The following TRIM14 variants were observed in gnomAD, a reference collection of about 807,000 sequenced individuals.
TRIM14 encodes tripartite motif-containing protein 14.
In TRIM14, 28 loss-of-function variants were observed where a neutral mutation model predicts 44.5. That is an observed-to-expected ratio of 0.63 (90% CI 0.47 to 0.86). The LOEUF is 0.86. Among genes scored for constraint, TRIM14 ranks in the 40% least tolerant of loss-of-function variants. The probability of loss-of-function intolerance (pLI) is 0.00; values close to 1 mark genes in which losing one functional copy is unlikely to be tolerated. For missense variants in TRIM14, 607 were observed against 611.1 expected (o/e 0.99, Z 0.07); for synonymous variants, 299 against 269.2 (o/e 1.11, Z -1.08).
chr9:98,056,615 GC>G, the TRIM14 span: 2 of 821,512 alleles, frequency 2.4e-6, no homozygotes, highest in Non-Finnish European at 3.5e-6. Context: ...GGGAGGCCCC[GC>G]CCCCGCCCCC....
intron 1 of TRIM14, among the ~76,000 whole-genome samples, chr9:98,112,493 C>G (rs764059078): frequency 1.3e-5 from 2 of 152,064 alleles, no homozygotes; most frequent in Non-Finnish European, 2.9e-5. Flanking sequence ...TGTATGTGAT[C>G]AAATTGGTTA....
At chr9:98,044,548 AT>A in the TRIM14 span, among the ~76,000 whole-genome samples, 6 of 151,086 alleles carry the variant, frequency 4.0e-5, no homozygotes, top group African/African-American at 9.7e-5. Flanking sequence ...TAATTTTTGT[AT>A]TTTTAGTAGA....
rs945043494 is a variant in TRIM14 at position 98,086,617 on chromosome 9, C to A, written c.*853G>T. On this transcript the variant is annotated 3_prime_UTR_variant, in exon 6 of 6. Coordinates refer to ENST00000341469, the MANE Select transcript of TRIM14 (RefSeq NM_014788.4). Reference sequence around the variant, plus strand: ...CTTGTTCCTTGGTTAGACTTCCTGGCGCAGGTAAGCCTGCGGAAGACTGAG... The same window carrying A: ...CTTGTTCCTTGGTTAGACTTCCTGGAGCAGGTAAGCCTGCGGAAGACTGAG... The A allele has an allele frequency of 6.6e-6, 1 of 152,096 alleles. No individual in the cohort carries two copies. The highest frequency in any genetic ancestry group is 1.5e-5 in the Non-Finnish European group (1 of 68,032). 9.4% of individuals were successfully genotyped at this position (152,096 alleles called of 1,614,324 possible).
the TRIM14 span, among the ~76,000 whole-genome samples, chr9:98,040,702 G>C: frequency 6.6e-6 from 1 of 150,826 alleles, no homozygotes; most frequent in East Asian, 1.9e-4. Flanking sequence ...GTGTCACCCA[G>C]GCTGGAGTGC....
the TRIM14 span, among the ~76,000 whole-genome samples, chr9:98,046,629 G>A: frequency 6.6e-6 from 1 of 151,976 alleles, no homozygotes; most frequent in Non-Finnish European, 1.5e-5. Context: ...TTATTAGAGA[G>A]GGGGTTTCAC....
chr9:98,091,273 A>G lies in TRIM14; in HGVS notation c.793+636T>C, dbSNP rs1373592590. ...TGACACATCCATTCAATGCAATGCC[A>G]TGCAACCTCTAAAAACAATGATAAA... On this transcript the variant is annotated intron_variant, in intron 5 of 5. Transcript: ENST00000341469. Among the ~76,000 whole-genome samples, 7 of 152,310 alleles carry G rather than the reference A, an allele frequency of 4.6e-5. No individual in the cohort carries two copies. The East Asian group carries it at 1.3e-3, about 29-fold the overall frequency.
chr9:98,116,382 G>A (rs1217736655), intron 1 of TRIM14, among the ~76,000 whole-genome samples: 1 of 151,670 alleles, frequency 6.6e-6, no homozygotes, highest in Non-Finnish European at 1.5e-5. Flanking sequence ...CAAGGTTCCC[G>A]ACCTTGTGGT....
intron 3 of TRIM14, among the ~76,000 whole-genome samples, chr9:98,098,421 A>G (rs1004677841): frequency 6.6e-6 from 1 of 152,184 alleles, no homozygotes; most frequent in African/African-American, 2.4e-5. Flanking sequence ...TAAAGACAGG[A>G]ACACCATCGG....
At chr9:98,081,134 T>TG, downstream of TRIM14, 1 of 1,604,118 alleles carries the variant, frequency 6.2e-7, no homozygotes, top group Non-Finnish European at 8.5e-7. Context: ...GGAAAAAGGA[T>TG]AGGCTGGCCT....
rs1825829759 is a variant in TRIM14 at position 98,087,614 on chromosome 9, C to T, written c.1185G>A (p.Leu395=). The T allele has an allele frequency of 2.5e-6, 4 of 1,601,442 alleles. No homozygotes were observed. Among genetic ancestry groups the T allele is most frequent in the Admixed American group, 1.7e-5 (1 of 59,402 alleles). Residue 395 remains leucine (L), a synonymous_variant, in exon 6 of 6, where the codon CTG becomes CTA. Transcript: ENST00000341469. Reference sequence around the variant, plus strand: ...AGGCGAGGACGCCGGCCTCGTAGTCCAGGAAGACGCCGAGCCGGTCGAGGT... The same window carrying T: ...AGGCGAGGACGCCGGCCTCGTAGTCTAGGAAGACGCCGAGCCGGTCGAGGT... ...RDDLDRLGVF[L]DYEAGVLAFY...
intron 3 of TRIM14, among the ~76,000 whole-genome samples, chr9:98,098,052 T>G (rs1334837693): frequency 6.6e-6 from 1 of 152,176 alleles, no homozygotes; most frequent in African/African-American, 2.4e-5. Flanking sequence ...GCGGGTTTTG[T>G]GTTGACTGGC....
downstream of TRIM14, chr9:98,080,676 C>A: frequency 1.1e-6 from 1 of 871,574 alleles, no homozygotes; most frequent in Non-Finnish European, 1.7e-6. Flanking sequence ...GAAAGAGAGG[C>A]TCAGAGAGCC....
At chr9:98,053,292 T>C in the TRIM14 span, among the ~76,000 whole-genome samples, 1 of 152,222 alleles carries the variant, frequency 6.6e-6, no homozygotes, top group African/African-American at 2.4e-5. Flanking sequence ...AACCCCAAAA[T>C]TCCTGTCCTC....
At chr9:98,096,637 A>G (rs1317627075) in intron 3 of TRIM14, among the ~76,000 whole-genome samples, 2 of 152,130 alleles carry the variant, frequency 1.3e-5, no homozygotes, top group African/African-American at 4.8e-5. Context: ...CCAGAAACCC[A>G]GGCATCATCT....
intron 1 of TRIM14, 85 bp from the exon 2 acceptor site, chr9:98,110,069 C>A: frequency 2.0e-6 from 2 of 1,017,496 alleles, no homozygotes; most frequent in South Asian, 2.6e-5. Context: ...CTCCTCTTAC[C>A]CTTGTATTCT....
chr9:98,065,926 A>T (rs975860264), downstream of TRIM14, among the ~76,000 whole-genome samples: 1 of 152,070 alleles, frequency 6.6e-6, no homozygotes, highest in African/African-American at 2.4e-5. Context: ...TGATTCTGAG[A>T]CCTGCCCAGC....
At chr9:98,055,840 C>G in the TRIM14 span, among the ~76,000 whole-genome samples, 1 of 152,016 alleles carries the variant, frequency 6.6e-6, no homozygotes, top group African/African-American at 2.4e-5. Context: ...CGGGTTCAAG[C>G]GATTCTCCTG....
rs556530769 is a variant in TRIM14, at chr9:98,095,044, G to C, written c.538-15C>G. 1 of 1,607,880 alleles carries C rather than the reference G, an allele frequency of 6.2e-7. No individual in the cohort carries two copies. The highest frequency in any genetic ancestry group is 1.7e-5 in the Admixed American group (1 of 59,792). ...GCCGTGTATGCCTGTGTGGGCACACGGGGGTGAGGGTGGCTCTGGGAGATG... is the reference window on the plus strand; with the variant it reads ...GCCGTGTATGCCTGTGTGGGCACACCGGGGTGAGGGTGGCTCTGGGAGATG... On this transcript the variant is annotated splice_polypyrimidine_tract_variant and intron_variant, in intron 3 of 5. Coordinates refer to ENST00000341469, the MANE Select transcript of TRIM14 (RefSeq NM_014788.4). This position sits in a 1 kb window ranked among gnomAD's most constrained non-coding sequence, Gnocchi z 4.1.
Position 98,087,964 on chromosome 9 carries a change from G to C in TRIM14, c.835C>G (p.Arg279Gly), listed in dbSNP as rs1297313917. The C allele has an allele frequency of 1.3e-6, 2 of 1,562,582 alleles. No homozygotes were observed. Among genetic ancestry groups the C allele is most frequent in the East Asian group, 2.4e-5 (1 of 40,846 alleles). The change falls in exon 6 of 6, where the codon CGC becomes GGC. Residue 279 changes from arginine (R) to glycine (G), a missense_variant. Physicochemically the swap from Arg to Gly is moderately radical, Grantham distance 125. Transcript: ENST00000341469. The stretch of plus-strand genomic sequence containing the variant: ...AGGCGATCGGCGGACAGGCGCAGGC[G>C]CGCGTGCATCGTGTCAGGATCCAGC... ...PTLDPDTMHA[R>G]LRLSADRLTV...
Sources: allele counts gnomAD v4.1 joint callset (sites outside exome capture counted in the v4.1 genomes callset), GRCh38; gene constraint gnomAD v4.1.1; non-coding constraint Gnocchi (gnomAD v3.1); transcripts MANE v1.5; gene names NCBI Gene and HGNC (gene_info 2026-07-23, HGNC 2026-07-21).